Variants in FBXL20 observed in about 807,000 individuals in gnomAD.
FBXL20 encodes the protein F-box and leucine rich repeat protein 20.
FBXL20 carries 11 observed loss-of-function variants against 64.0 expected under a neutral mutation model. The observed-to-expected ratio is 0.17, with a 90% confidence interval of 0.11 to 0.28. The LOEUF (loss-of-function observed/expected upper bound fraction) is 0.28, where lower values mean the gene tolerates loss of function less well. Among genes scored for constraint, FBXL20 ranks in the 10% least tolerant of loss-of-function variants. The probability of loss-of-function intolerance (pLI) is 1.00; values close to 1 mark genes in which losing one functional copy is unlikely to be tolerated. For synonymous variants in FBXL20, 184 were observed against 189.0 expected (o/e 0.97, Z 0.22); for missense variants, 303 against 526.2 (o/e 0.58, Z 4.15).
intron 1 of FBXL20, among the ~76,000 whole-genome samples, chr17:39,388,461 A>G (rs1050067513): frequency 6.7e-6 from 1 of 150,228 alleles, no homozygotes; most frequent in Non-Finnish European, 1.5e-5. Context: ...ACCTGTCTCA[A>G]AAAAAAAAAG....
chr17:39,311,174 A>G (rs527336675), intron 2 of FBXL20, among the ~76,000 whole-genome samples: 1 of 152,082 alleles, frequency 6.6e-6, no homozygotes, highest in African/African-American at 2.4e-5. Flanking sequence ...CTAAAAAACA[A>G]ACAAAAAAAC....
chr17:39,369,136 G>C (rs2047890017), intron 1 of FBXL20, among the ~76,000 whole-genome samples: 1 of 151,740 alleles, frequency 6.6e-6, no homozygotes, highest in Non-Finnish European at 1.5e-5. Context: ...AAAGTACTAT[G>C]CAATAGTTTT....
intron 9 of FBXL20, among the ~76,000 whole-genome samples, chr17:39,278,269 C>G (rs1437241732): frequency 2.1e-4 from 32 of 152,224 alleles, no homozygotes; most frequent in Non-Finnish European, 4.4e-5. Context: ...CCTCAGACTC[C>G]TGAGTAGCTG....
chr17:39,397,599 G>C (rs1359289391), intron 1 of FBXL20, among the ~76,000 whole-genome samples: 2 of 152,106 alleles, frequency 1.3e-5, no homozygotes, highest in Non-Finnish European at 2.9e-5. Context: ...TCAAGGGCTA[G>C]TCTAGATATT....
chr17:39,355,243 G>T (rs1315153418), intron 1 of FBXL20, among the ~76,000 whole-genome samples: 1 of 151,304 alleles, frequency 6.6e-6, no homozygotes, highest in Non-Finnish European at 1.5e-5. Context: ...AAAATTTCTT[G>T]ATTAAAAACA....
intron 2 of FBXL20, among the ~76,000 whole-genome samples, chr17:39,309,072 A>AT (rs574015925): frequency 6.6e-5 from 10 of 152,092 alleles, no homozygotes; most frequent in South Asian, 2.1e-4. Flanking sequence ...CAGCAAAGCC[A>AT]TTTTTTTTAA....
chr17:39,323,688 G>A (rs1260763035), intron 2 of FBXL20, among the ~76,000 whole-genome samples: 1 of 151,934 alleles, frequency 6.6e-6, no homozygotes. Context: ...TTAAAATACA[G>A]GACACACCGA....
At chr17:39,269,015 TTTTC>T (rs2046816520) in intron 11 of FBXL20, 144 bp from the exon 12 acceptor site, 2 of 718,292 alleles carry the variant, frequency 2.8e-6, no homozygotes, top group South Asian at 3.7e-5. Flanking sequence ...GCTAATTTTT[TTTTC>T]TTTCTTTTGA....
chr17:39,326,467 A>G (rs1270458617), intron 2 of FBXL20, among the ~76,000 whole-genome samples: 1 of 151,880 alleles, frequency 6.6e-6, no homozygotes, highest in Non-Finnish European at 1.5e-5. Flanking sequence ...AAAAAAATAC[A>G]AAAATTAGCT....
intron 2 of FBXL20, among the ~76,000 whole-genome samples, chr17:39,309,801 AAAAAG>A (rs1031247770): frequency 4.6e-5 from 7 of 151,472 alleles, no homozygotes; most frequent in Non-Finnish European, 8.8e-5. Flanking sequence ...CAAAAAAAAA[AAAAAG>A]AAAAGAAAAA....
chr17:39,285,062 T>C (rs1443123892), intron 7 of FBXL20, among the ~76,000 whole-genome samples: 4 of 152,034 alleles, frequency 2.6e-5, no homozygotes, highest in Admixed American at 1.3e-4. Context: ...CACGCCACCA[T>C]GCCCAACTAA....
intron 2 of FBXL20, among the ~76,000 whole-genome samples, chr17:39,326,599 G>A (rs764107187): frequency 1.3e-5 from 2 of 151,422 alleles, no homozygotes; most frequent in Admixed American, 6.6e-5. Context: ...TCCAGCCTGC[G>A]TGACAGAGCA....
chr17:39,347,702 C>A (rs12453645), intron 1 of FBXL20, among the ~76,000 whole-genome samples: 1 of 152,030 alleles, frequency 6.6e-6, no homozygotes, highest in Non-Finnish European at 1.5e-5. Context: ...TAATTAGATG[C>A]CATTGGTCAA....
At chr17:39,265,059 A>C (rs2046779128) in intron 13 of FBXL20, among the ~76,000 whole-genome samples, 1 of 152,226 alleles carries the variant, frequency 6.6e-6, no homozygotes, top group Non-Finnish European at 1.5e-5. Flanking sequence ...TTACATCTTA[A>C]GGTGAAGCAA....
intron 1 of FBXL20, among the ~76,000 whole-genome samples, chr17:39,387,930 GCA>G (rs766177851): frequency 3.9e-4 from 59 of 151,958 alleles, no homozygotes; most frequent in Non-Finnish European, 6.8e-4. Context: ...GTTTATCAGG[GCA>G]CAGTCCCATC....
chr17:39,321,776 G>C (rs957164088), intron 2 of FBXL20, among the ~76,000 whole-genome samples: 26 of 137,842 alleles, frequency 1.9e-4, no homozygotes, highest in African/African-American at 6.5e-4. Context: ...GTGAAATTCT[G>C]TCTCAAAAAA....
chr17:39,303,735 G>A (rs1597786127), intron 2 of FBXL20, 96 bp from the exon 3 acceptor site: 7 of 1,080,266 alleles, frequency 6.5e-6, no homozygotes, highest in African/African-American at 3.2e-5. Flanking sequence ...CAGCCAAGCT[G>A]GAGAGCAGTG....
intron 2 of FBXL20, among the ~76,000 whole-genome samples, chr17:39,340,808 A>AT (rs1392337718): frequency 6.6e-6 from 1 of 152,082 alleles, no homozygotes; most frequent in Non-Finnish European, 1.5e-5. Context: ...TAAAAACCAC[A>AT]TATTTGAAAG....
chr17:39,309,850 C>G (rs801420), intron 2 of FBXL20, among the ~76,000 whole-genome samples: 57,292 of 147,790 alleles, frequency 0.39, 13,967 homozygotes, highest in African/African-American at 0.7. Flanking sequence ...AGAAGAAGAA[C>G]AAGAAAAAAC....
Sources: gnomAD v4.1 joint callset for allele counts (sites outside exome capture counted in the v4.1 genomes callset) on GRCh38, gnomAD v4.1.1 for gene constraint, MANE v1.5 for transcripts, NCBI Gene and HGNC (gene_info 2026-07-23, HGNC 2026-07-21) for gene names.